The following NDST3 variants were observed in gnomAD, a reference collection of about 807,000 sequenced individuals.
NDST3 encodes bifunctional heparan sulfate N-deacetylase/N-sulfotransferase 3.
NDST3 carries 58 observed loss-of-function variants against 96.1 expected under a neutral mutation model. That is an observed-to-expected ratio of 0.60 (90% CI 0.49 to 0.75). The LOEUF (loss-of-function observed/expected upper bound fraction) is 0.75, where lower values mean the gene tolerates loss of function less well. NDST3 is among the 30% of genes least tolerant of loss of function. The pLI is 0.00. For synonymous variants in NDST3, 333 were observed against 359.7 expected, an observed-to-expected ratio of 0.93 and a Z score of 0.84; for missense variants, 788 against 1,034.2, an observed-to-expected ratio of 0.76 and a Z score of 3.27.
At chr4:118,098,366 A>G (rs140982313) in intron 2 of NDST3, among the ~76,000 whole-genome samples, 1 of 152,154 alleles carries the variant, frequency 6.6e-6, no homozygotes, top group Non-Finnish European at 1.5e-5. Flanking sequence ...ATAATGAACT[A>G]TTTTTAACAC....
intron 6 of NDST3, among the ~76,000 whole-genome samples, chr4:118,216,171 G>A (rs2125989557): frequency 6.6e-6 from 1 of 152,202 alleles, no homozygotes; most frequent in Admixed American, 6.6e-5. Context: ...GATGATTTGG[G>A]AATCTGAGGG....
rs183097945 is a variant in NDST3 at position 118,147,477 on chromosome 4, T to G, written c.1539+3793T>G. Among the ~76,000 whole-genome samples the G allele has an allele frequency of 5.3e-5, 8 of 152,336 alleles. No homozygotes were observed. In the East Asian group the frequency reaches 1.5e-3, roughly 29 times the overall value. On this transcript the variant is annotated intron_variant, in intron 6 of 13. Coordinates refer to ENST00000296499, the MANE Select transcript of NDST3 (RefSeq NM_004784.3). ...AGTACTCATATATATTTTCAAAAAT[T>G]GTGATATTCTATTTACTTTAGATAC...
chr4:118,087,212 T>C (rs893961334), intron 2 of NDST3, among the ~76,000 whole-genome samples: 2 of 152,166 alleles, frequency 1.3e-5, no homozygotes, highest in Non-Finnish European at 2.9e-5. Context: ...GCCTTCTCTC[T>C]CTTGAGTTGT....
chr4:118,104,299 GAGAGAC>G (rs1026799049), intron 2 of NDST3, among the ~76,000 whole-genome samples: 8 of 152,126 alleles, frequency 5.3e-5, no homozygotes, highest in Admixed American at 3.9e-4. Context: ...GTATGTGAGA[GAGAGAC>G]AGAGACAGAG....
intron 6 of NDST3, among the ~76,000 whole-genome samples, chr4:118,162,399 C>G (rs1480150957): frequency 9.2e-5 from 14 of 152,036 alleles, no homozygotes; most frequent in African/African-American, 1.5e-4. Context: ...TACCAAAACA[C>G]AGATATAGAT....
At chr4:118,063,068 T>C (rs1315348811) in intron 2 of NDST3, among the ~76,000 whole-genome samples, 1 of 151,522 alleles carries the variant, frequency 6.6e-6, no homozygotes, top group South Asian at 2.1e-4. Context: ...CACACTCCTG[T>C]AGTCCCAGCT....
intron 2 of NDST3, among the ~76,000 whole-genome samples, chr4:118,086,536 T>C (rs1471292250): frequency 6.6e-6 from 1 of 152,164 alleles, no homozygotes; most frequent in Non-Finnish European, 1.5e-5. Context: ...CCTGCCAGCT[T>C]CACAGGAATT....
intron 6 of NDST3, among the ~76,000 whole-genome samples, chr4:118,157,846 G>T (rs1352417313): frequency 6.6e-6 from 1 of 152,192 alleles, no homozygotes; most frequent in Admixed American, 6.5e-5. Context: ...TAACATGGAT[G>T]TGTATGTAAT....
chr4:118,124,197 T>C (rs190889048), intron 4 of NDST3, among the ~76,000 whole-genome samples: 3 of 152,138 alleles, frequency 2.0e-5, no homozygotes, highest in African/African-American at 7.2e-5. Context: ...TATTGTTTAG[T>C]AAGACTTTGT....
rs16997442 is a variant in NDST3, at chr4:118,208,191, T to A, written c.1540-16300T>A. 4.9e-3 allele frequency among the ~76,000 whole-genome samples: 699 copies of A among 143,794 alleles called. 100 individuals are homozygous for A. The highest frequency in any genetic ancestry group is 0.017 in the African/African-American group (653 of 38,944). 94.3% of individuals were successfully genotyped at this position (143,794 alleles called of 152,430 possible). On this transcript the variant is annotated intron_variant, in intron 6 of 13. Coordinates refer to ENST00000296499, the MANE Select transcript of NDST3 (RefSeq NM_004784.3). ...CAAATGTGAATCTACCACTGCAAAA[T>A]TTTTAATAGATACATGGTTTAGTTA...
At chr4:118,089,454 T>C (rs1728694956) in intron 2 of NDST3, among the ~76,000 whole-genome samples, 1 of 151,952 alleles carries the variant, frequency 6.6e-6, no homozygotes, top group Non-Finnish European at 1.5e-5. Context: ...CAAACGACTA[T>C]GTGGTGGCCT....
chr4:118,105,532 G>C (rs1445147045), intron 3 of NDST3, among the ~76,000 whole-genome samples: 1 of 152,140 alleles, frequency 6.6e-6, no homozygotes, highest in Non-Finnish European at 1.5e-5. Context: ...TTGGCTTTGA[G>C]TGGTATGTAA....
At chr4:118,255,511 G>A in intron 13 of NDST3, 82 bp from the exon 14 acceptor site, 1 of 1,364,178 alleles carries the variant, frequency 7.3e-7, no homozygotes, top group Non-Finnish European at 1.0e-6. Flanking sequence ...TGGTATACTT[G>A]GTACTTATTT....
intron 6 of NDST3, among the ~76,000 whole-genome samples, chr4:118,150,534 T>C (rs1057253263): frequency 6.7e-6 from 1 of 150,082 alleles, no homozygotes; most frequent in African/African-American, 2.5e-5. Flanking sequence ...TCAAACAAAT[T>C]TACAAGAAAA....
chr4:118,054,224 A>C lies in NDST3; in HGVS notation c.314A>C (p.Gln105Pro). The change falls in exon 2 of 14, where the codon CAG becomes CCG. Residue 105 changes from glutamine to proline, a missense_variant. Around this residue, in one of 3 missense-constraint regions of NDST3, gnomAD observed 234 missense variants for 256.9 expected, o/e 0.91. Transcript: ENST00000296499. ...IIMILESSRF[Q>P]YHIEIAPGKG... ...ATGATTCTAGAATCAAGTAGATTCCAGTATCACATTGAAATTGCCCCTGGA... is the reference window on the plus strand; with the variant it reads ...ATGATTCTAGAATCAAGTAGATTCCCGTATCACATTGAAATTGCCCCTGGA... 1 of 1,612,988 alleles carries C rather than the reference A, an allele frequency of 6.2e-7. No homozygotes were observed. The highest frequency in any genetic ancestry group is 8.5e-7 in the Non-Finnish European group (1 of 1,179,374).
intron 1 of NDST3, among the ~76,000 whole-genome samples, chr4:118,046,922 A>AC (rs72524667): frequency 0.75 from 113,840 of 152,052 alleles, 44,458 homozygotes; most frequent in South Asian, 0.9. Context: ...TGCAGCACAG[A>AC]CACCTAACAA....
chr4:118,230,000 A>C (rs181110274), intron 8 of NDST3, among the ~76,000 whole-genome samples: 1 of 152,260 alleles, frequency 6.6e-6, no homozygotes, highest in East Asian at 1.9e-4. Flanking sequence ...ACTGATAGCT[A>C]AGTATTTTCT....
intron 6 of NDST3, among the ~76,000 whole-genome samples, chr4:118,152,307 T>C (rs1248353494): frequency 2.6e-5 from 4 of 152,188 alleles, no homozygotes; most frequent in Non-Finnish European, 5.9e-5. Flanking sequence ...TAGAGGCTCA[T>C]TCAAGTTACC....
intron 12 of NDST3, among the ~76,000 whole-genome samples, chr4:118,247,915 T>G (rs1741424903): frequency 6.6e-6 from 1 of 152,230 alleles, no homozygotes; most frequent in South Asian, 2.1e-4. Flanking sequence ...ACTGAATTGC[T>G]ATTTTCAATT....
Sources: allele counts gnomAD v4.1 joint callset (sites outside exome capture counted in the v4.1 genomes callset), GRCh38; gene constraint gnomAD v4.1.1; regional missense constraint gnomAD v4.1.1; transcripts MANE v1.5; gene names NCBI Gene and HGNC (gene_info 2026-07-23, HGNC 2026-07-21).